MACROD2: variants seen among roughly 807,000 people sequenced by gnomAD.
The protein encoded by MACROD2 is ADP-ribose glycohydrolase MACROD2.
Under a neutral mutation model 70.4 loss-of-function variants are expected in MACROD2, and 36 were observed. The ratio of observed to expected loss-of-function variants is 0.51; its 90% CI spans 0.39 to 0.68. The LOEUF (loss-of-function observed/expected upper bound fraction) is 0.68, where lower values mean the gene tolerates loss of function less well. Ranked by LOEUF, MACROD2 falls within the 30% of genes least tolerant of loss-of-function variation. The pLI is 0.00. For missense variants in MACROD2, 496 were observed against 538.4 expected (o/e 0.92, Z 0.78); for synonymous variants, 172 against 178.8 (o/e 0.96, Z 0.30).
At chr20:15,987,246 CA>C in intron 15 of MACROD2, 88 bp downstream of exon 15, 1 of 1,077,826 alleles carries the variant, frequency 9.3e-7, no homozygotes, top group Non-Finnish European at 1.4e-6. Flanking sequence ...TATTCTCATG[CA>C]ATTACAGTTT....
At chr20:14,807,202 C>T (rs1049717203) in intron 5 of MACROD2, among the ~76,000 whole-genome samples, 6 of 152,070 alleles carry the variant, frequency 3.9e-5, no homozygotes, top group African/African-American at 7.2e-5. Flanking sequence ...CTCTGGCTGG[C>T]GTCTAGCAGG....
chr20:15,915,120 A>G, intron 10 of MACROD2, among the ~76,000 whole-genome samples: 1 of 152,118 alleles, frequency 6.6e-6, no homozygotes, highest in Non-Finnish European at 1.5e-5. Flanking sequence ...TAGGTTTTCT[A>G]TGGAGGTTCC....
rs138059711 is a variant in MACROD2 at position 14,399,799 on chromosome 20, T to A, written c.272-93680T>A. Among the ~76,000 whole-genome samples the A allele has an allele frequency of 1.0e-3, 152 of 152,294 alleles. 1 individual carries two copies. Among genetic ancestry groups the A allele is most frequent in the African/African-American group, 3.3e-3 (136 of 41,572 alleles). On this transcript the variant is annotated intron_variant, in intron 3 of 17. Coordinates refer to ENST00000684519, the MANE Select transcript of MACROD2 (RefSeq NM_001351661.2). The stretch of plus-strand genomic sequence containing the variant: ...CTCTTCTCTGTTTTATTTTGGATAG[T>A]TTCTGTTGTTGTGTTTTCAAGTTTA...
Position 15,603,831 on chromosome 20 carries a change from A to G in MACROD2, c.645+103984A>G, listed in dbSNP as rs370995093. Among the ~76,000 whole-genome samples, 11 of 152,300 alleles carry G rather than the reference A, an allele frequency of 7.2e-5. No homozygotes were observed. In the East Asian group the frequency reaches 1.7e-3, roughly 24 times the overall value. On this transcript the variant is annotated intron_variant, in intron 8 of 17. Transcript: ENST00000684519. ...GCAGACCTTTTAGAGGACATCAAAG[A>G]TCAAAGGTTTACCCAGGAATGTTTT...
chr20:15,438,669 C>G (rs1488434159), intron 7 of MACROD2, among the ~76,000 whole-genome samples: 1 of 152,132 alleles, frequency 6.6e-6, no homozygotes, highest in Non-Finnish European at 1.5e-5. Flanking sequence ...CAACTGCTTC[C>G]TCATGTTGCT....
intron 5 of MACROD2, among the ~76,000 whole-genome samples, chr20:15,138,936 A>G (rs1400649383): frequency 1.3e-5 from 2 of 152,138 alleles, no homozygotes; most frequent in African/African-American, 2.4e-5. Context: ...TCAGCAGGAG[A>G]GTGTTTTAGG....
chr20:14,302,556 T>C (rs976465483), intron 3 of MACROD2, among the ~76,000 whole-genome samples: 8 of 152,200 alleles, frequency 5.3e-5, no homozygotes, highest in Non-Finnish European at 8.8e-5. Flanking sequence ...ATGAGTGATT[T>C]TAATGTCCTT....
intron 5 of MACROD2, among the ~76,000 whole-genome samples, chr20:14,973,934 A>C (rs931280353): frequency 1.3e-5 from 2 of 152,212 alleles, no homozygotes; most frequent in Non-Finnish European, 2.9e-5. Flanking sequence ...ATGTTTCCAA[A>C]AAGAAAGAAC....
intron 5 of MACROD2, among the ~76,000 whole-genome samples, chr20:14,720,447 A>C (rs544863697): frequency 6.7e-6 from 1 of 148,428 alleles, no homozygotes; most frequent in African/African-American, 2.5e-5. Context: ...AACAGTTGTC[A>C]TAGTCATTTC....
intron 8 of MACROD2, among the ~76,000 whole-genome samples, chr20:15,572,531 T>C (rs2048389563): frequency 6.6e-6 from 1 of 152,156 alleles, no homozygotes; most frequent in Non-Finnish European, 1.5e-5. Context: ...CTGGTAAATT[T>C]AGCTAATTTC....
intron 8 of MACROD2, among the ~76,000 whole-genome samples, chr20:15,845,252 A>C (rs1381788353): frequency 6.6e-6 from 1 of 152,138 alleles, no homozygotes; most frequent in Admixed American, 6.6e-5. Context: ...TCACCTGAAG[A>C]ATCTCTGATC....
intron 5 of MACROD2, among the ~76,000 whole-genome samples, chr20:15,067,281 T>C (rs1194445946): frequency 6.6e-6 from 1 of 152,224 alleles, no homozygotes; most frequent in African/African-American, 2.4e-5. Context: ...CTAATGCTTA[T>C]TATTATATGT....
intron 5 of MACROD2, among the ~76,000 whole-genome samples, chr20:15,120,691 A>C (rs2076023940): frequency 6.6e-6 from 1 of 152,318 alleles, no homozygotes; most frequent in South Asian, 2.1e-4. Flanking sequence ...TTACTGTTCC[A>C]TCTTTCTTTC....
chr20:14,297,767 C>T, intron 3 of MACROD2, among the ~76,000 whole-genome samples: 1 of 151,854 alleles, frequency 6.6e-6, no homozygotes, highest in South Asian at 2.1e-4. Context: ...CTGATGAAGG[C>T]CACTAACACT....
rs543882642 is a variant in MACROD2, at chr20:15,877,226, G to A, written c.728-8538G>A. Among the ~76,000 whole-genome samples the A allele has an allele frequency of 1.4e-4, 22 of 152,124 alleles. No individual in the cohort carries two copies. The South Asian group carries it at 4.1e-3, about 29-fold the overall frequency. On this transcript the variant is annotated intron_variant, in intron 9 of 17. Coordinates refer to ENST00000684519, the MANE Select transcript of MACROD2 (RefSeq NM_001351661.2). ...ATCTCCAGCTGGGAGTCTCTCAGGC[G>A]TCTTCAACTGAACATATCCAAAATT...
At chr20:14,251,173 A>C (rs1034108485) in intron 3 of MACROD2, among the ~76,000 whole-genome samples, 3 of 152,100 alleles carry the variant, frequency 2.0e-5, no homozygotes, top group Admixed American at 6.6e-5. Context: ...CCATACACCA[A>C]AAAATAGACT....
At chr20:14,946,142 C>T (rs942741916) in intron 5 of MACROD2, among the ~76,000 whole-genome samples, 16 of 151,236 alleles carry the variant, frequency 1.1e-4, no homozygotes, top group Admixed American at 4.6e-4. Flanking sequence ...GAGGTTGCAG[C>T]GAGCCAAGAT....
chr20:14,368,267 T>C (rs2083290102), intron 3 of MACROD2, among the ~76,000 whole-genome samples: 1 of 152,200 alleles, frequency 6.6e-6, no homozygotes, highest in Non-Finnish European at 1.5e-5. Context: ...AAACTGGGCA[T>C]ATAGGCCACG....
chr20:14,178,231 G>T (rs1384165446), intron 3 of MACROD2, among the ~76,000 whole-genome samples: 2 of 152,096 alleles, frequency 1.3e-5, no homozygotes, highest in Non-Finnish European at 2.9e-5. Flanking sequence ...AATGATAAAT[G>T]CATGAGGTGA....
Sources: allele counts gnomAD v4.1 joint callset (sites outside exome capture counted in the v4.1 genomes callset), GRCh38; gene constraint gnomAD v4.1.1; transcripts MANE v1.5; gene names NCBI Gene and HGNC (gene_info 2026-07-23, HGNC 2026-07-21).